Variants in DENND5B observed in about 807,000 individuals in gnomAD.
DENND5B encodes the protein DENN domain containing 5B, also known as DENN domain-containing protein 5B.
Under a neutral mutation model 140.6 loss-of-function variants are expected in DENND5B, and 34 were observed. The observed-to-expected ratio is 0.24, with a 90% CI of 0.18 to 0.32. DENND5B has a LOEUF of 0.32. Ranked by LOEUF, DENND5B falls within the 10% of genes least tolerant of loss-of-function variation. The probability of loss-of-function intolerance (pLI) is 1.00; values close to 1 mark genes in which losing one functional copy is unlikely to be tolerated. For missense variants in DENND5B, 1,142 were observed against 1,560.2 expected, an observed-to-expected ratio of 0.73 and a Z score of 4.52; for synonymous variants, 551 against 562.1, an observed-to-expected ratio of 0.98 and a Z score of 0.28.
chr12:31,422,299 G>C (rs1036157242), intron 11 of DENND5B, among the ~76,000 whole-genome samples: 1 of 151,340 alleles, frequency 6.6e-6, no homozygotes, highest in South Asian at 2.1e-4. Flanking sequence ...GCGTGCTCAC[G>C]GGCACCTGTA....
At chr12:31,427,624 T>C (rs1943309066) in intron 8 of DENND5B, among the ~76,000 whole-genome samples, 1 of 149,844 alleles carries the variant, frequency 6.7e-6, no homozygotes, top group South Asian at 2.1e-4. Context: ...AAAAAAATCA[T>C]CTGGATACCT....
At chr12:31,468,360 T>C (rs1266378029) in intron 3 of DENND5B, among the ~76,000 whole-genome samples, 1 of 152,148 alleles carries the variant, frequency 6.6e-6, no homozygotes, top group African/African-American at 2.4e-5. Flanking sequence ...CTTAAGATAC[T>C]GGTTTTGGTG....
intron 1 of DENND5B, among the ~76,000 whole-genome samples, chr12:31,554,048 A>C (rs1256861277): frequency 6.6e-6 from 1 of 152,184 alleles, no homozygotes; most frequent in East Asian, 1.9e-4. Flanking sequence ...TAATTGGAGC[A>C]TTTAGCCCAT....
At chr12:31,428,467 T>C (rs1943348548) in intron 8 of DENND5B, among the ~76,000 whole-genome samples, 1 of 151,934 alleles carries the variant, frequency 6.6e-6, no homozygotes, top group Admixed American at 6.6e-5. Context: ...AGTGGTGCAA[T>C]CTCAACTAAC....
chr12:31,485,762 TGGTAAC>T (rs1341023896), intron 2 of DENND5B, among the ~76,000 whole-genome samples: 1 of 150,538 alleles, frequency 6.6e-6, no homozygotes, highest in Non-Finnish European at 1.5e-5. Flanking sequence ...TCTCTCTCTC[TGGTAAC>T]CTGGTAACAC....
At chr12:31,581,780 T>G (rs1297063680) in intron 1 of DENND5B, among the ~76,000 whole-genome samples, 7 of 152,120 alleles carry the variant, frequency 4.6e-5, no homozygotes, top group Admixed American at 4.6e-4. Context: ...GCTGATTTTC[T>G]AATTACTTAA....
At chr12:31,562,352 A>G (rs187761990) in intron 1 of DENND5B, among the ~76,000 whole-genome samples, 1 of 152,320 alleles carries the variant, frequency 6.6e-6, no homozygotes, top group Admixed American at 6.5e-5. Flanking sequence ...GCTCATGCCT[A>G]TAATCCCAGC....
At chr12:31,570,292 TA>T (rs1391444418) in intron 1 of DENND5B, among the ~76,000 whole-genome samples, 1 of 150,602 alleles carries the variant, frequency 6.6e-6, no homozygotes, top group Admixed American at 6.6e-5. Flanking sequence ...TTTTTTTTTT[TA>T]AGAGACGGAG....
At chr12:31,500,355 A>G (rs1258713042) in intron 1 of DENND5B, 3 of 453,842 alleles carry the variant, frequency 6.6e-6, no homozygotes, top group Non-Finnish European at 1.3e-5. Flanking sequence ...CCTAAAAAGT[A>G]TGACAGTAAG....
intron 1 of DENND5B, among the ~76,000 whole-genome samples, chr12:31,501,795 A>T (rs1220343804): frequency 6.6e-6 from 1 of 151,810 alleles, no homozygotes; most frequent in East Asian, 1.9e-4. Context: ...AAAGAAAGAA[A>T]AAAGAAATCT....
intron 1 of DENND5B, among the ~76,000 whole-genome samples, chr12:31,532,655 A>G (rs1056512971): frequency 6.6e-6 from 1 of 152,176 alleles, no homozygotes; most frequent in African/African-American, 2.4e-5. Flanking sequence ...GATAAAATTG[A>G]TGGTACCTGA....
At chr12:31,491,125 T>A (rs2138683158) in intron 2 of DENND5B, among the ~76,000 whole-genome samples, 2 of 152,216 alleles carry the variant, frequency 1.3e-5, no homozygotes, top group East Asian at 3.9e-4. Flanking sequence ...CTCAAAGAGA[T>A]GTGAAAGTGG....
At chr12:31,546,342 TTA>T (rs966471358) in intron 1 of DENND5B, among the ~76,000 whole-genome samples, 1 of 152,106 alleles carries the variant, frequency 6.6e-6, no homozygotes, top group African/African-American at 2.4e-5. Flanking sequence ...TCTTTCTCCA[TTA>T]TATTTCTTTT....
At chr12:31,425,696 T>G (rs1057338196) in intron 9 of DENND5B, among the ~76,000 whole-genome samples, 1 of 152,232 alleles carries the variant, frequency 6.6e-6, no homozygotes, top group Non-Finnish European at 1.5e-5. Flanking sequence ...CACCACTATA[T>G]ACTGATGCTG....
intron 13 of DENND5B, 67 bp from the exon 14 acceptor site, chr12:31,409,451 G>C: frequency 9.8e-6 from 10 of 1,016,688 alleles, no homozygotes; most frequent in Non-Finnish European, 1.3e-5. Context: ...CAAGACAGTA[G>C]TATCATGTAC....
chr12:31,437,388 C>A (rs911784945), intron 7 of DENND5B, among the ~76,000 whole-genome samples: 4 of 152,296 alleles, frequency 2.6e-5, no homozygotes, highest in African/African-American at 9.6e-5. Flanking sequence ...CTGGCCTCGG[C>A]CTCCCAAAGT....
chr12:31,515,772 G>C (rs1591963619), intron 1 of DENND5B, among the ~76,000 whole-genome samples: 1 of 152,246 alleles, frequency 6.6e-6, no homozygotes, highest in African/African-American at 2.4e-5. Context: ...GGTATAAATA[G>C]ACTACTCAAA....
intron 1 of DENND5B, among the ~76,000 whole-genome samples, chr12:31,588,699 C>T (rs1950490871): frequency 6.6e-6 from 1 of 152,156 alleles, no homozygotes; most frequent in Non-Finnish European, 1.5e-5. Context: ...ACTCTAGAAT[C>T]CATCCCCCAT....
chr12:31,400,918 C>A (rs969191873), intron 15 of DENND5B, among the ~76,000 whole-genome samples: 1 of 151,002 alleles, frequency 6.6e-6, no homozygotes, highest in Non-Finnish European at 1.5e-5. Context: ...TCTCCGCTCA[C>A]CACAACCTCC....
Sources: allele counts gnomAD v4.1 joint callset (sites outside exome capture counted in the v4.1 genomes callset), GRCh38; gene constraint gnomAD v4.1.1; transcripts MANE v1.5; gene names NCBI Gene and HGNC (gene_info 2026-07-23, HGNC 2026-07-21).